Variants in ADCK1 observed in about 807,000 individuals in gnomAD.
ADCK1 encodes aarF domain containing kinase 1.
ADCK1 carries 41 observed loss-of-function variants against 52.3 expected under a neutral mutation model. The observed-to-expected ratio is 0.78, with a 90% CI of 0.61 to 1.02. ADCK1 has a LOEUF of 1.02. Among genes scored for constraint, ADCK1 ranks in the 50% least tolerant of loss-of-function variants. The pLI is 0.00. For missense variants in ADCK1, 658 were observed against 679.5 expected, an observed-to-expected ratio of 0.97 and a Z score of 0.35; for synonymous variants, 250 against 274.6, an observed-to-expected ratio of 0.91 and a Z score of 0.89.
rs1229332642 is a variant in ADCK1 at position 77,813,282 on chromosome 14, G to A, written c.-11-5686G>A. 5.9e-5 allele frequency among the ~76,000 whole-genome samples: 9 copies of A among 151,884 alleles called. No homozygotes were observed. The South Asian group carries it at 1.0e-3, about 18-fold the overall frequency. On this transcript the variant is annotated intron_variant, in intron 1 of 10. Transcript: ENST00000238561. ...CTCCCAAAGTACTGGGATTATAGGC[G>A]TGAGCCACTGTGCTGGCCTTTTATT...
At position 77,923,310 on chromosome 14, in the gene ADCK1, C is replaced by A. The variant is rs1459992597; in HGVS notation, c.859-1147C>A. 1.3e-5 allele frequency: 2 copies of A among 152,330 alleles called. No individual in the cohort carries two copies. The highest frequency in any genetic ancestry group is 2.9e-5 in the Non-Finnish European group (2 of 68,104). The allele number at this position is 152,330 out of a possible 1,614,324, so 9.4% of individuals were successfully genotyped here. A position where few individuals can be genotyped will look rare whatever the true frequency, so the allele number is the denominator to read the frequency against. Reference sequence around the variant, plus strand: ...AGGTGAAGGGGAGATGGCAAGAATGCTCCTGGCAGCAGGAATAGCATGTGC... The same window carrying A: ...AGGTGAAGGGGAGATGGCAAGAATGATCCTGGCAGCAGGAATAGCATGTGC... On this transcript the variant is annotated intron_variant, in intron 7 of 10. Transcript: ENST00000238561. This position sits in a 1 kb window ranked among gnomAD's most constrained non-coding sequence, Gnocchi z 4.3.
At chr14:77,868,978 C>T (rs1412162758) in intron 4 of ADCK1, among the ~76,000 whole-genome samples, 2 of 152,012 alleles carry the variant, frequency 1.3e-5, no homozygotes, top group South Asian at 2.1e-4. Context: ...AGTTCAGAGG[C>T]GGGTTCCTGG....
chr14:77,896,810 A>G (rs1007662236), intron 5 of ADCK1, among the ~76,000 whole-genome samples: 5 of 152,258 alleles, frequency 3.3e-5, no homozygotes, highest in African/African-American at 1.2e-4. Flanking sequence ...ATGAAAGACC[A>G]GACAAAACTC....
chr14:77,822,701 A>G (rs535814702), intron 3 of ADCK1, among the ~76,000 whole-genome samples, 183 bp downstream of exon 3: 2 of 152,200 alleles, frequency 1.3e-5, no homozygotes, highest in South Asian at 2.1e-4. Context: ...CTTCCTGTGT[A>G]CAGCTGGAAT....
chr14:77,915,343 C>T (rs978626104), intron 7 of ADCK1, among the ~76,000 whole-genome samples: 1 of 136,082 alleles, frequency 7.3e-6, no homozygotes, highest in African/African-American at 2.8e-5. Context: ...CTCCCCCCTA[C>T]CCCCAGCCTA....
At chr14:77,810,295 T>G (rs2081313415) in intron 1 of ADCK1, among the ~76,000 whole-genome samples, 1 of 151,670 alleles carries the variant, frequency 6.6e-6, no homozygotes, top group Admixed American at 6.6e-5. Context: ...TTTTATTGTT[T>G]GTAGAGATGA....
Position 77,899,150 on chromosome 14 carries a change from G to GAGTTCTT in ADCK1, c.633_634insAGTTCTT (p.Leu212SerfsTer6). 6.2e-7 allele frequency: 1 copy of GAGTTCTT among 1,614,166 alleles called. No homozygotes were observed. The highest frequency in any genetic ancestry group is 1.7e-4 in the Middle Eastern group (1 of 6,046). ...TGTTCCCAGAGTTTGAGTTTATGTG[G>GAGTTCTT]CTTGTGGATGAAGCCAAGAAGAACC... On this transcript the variant is annotated frameshift_variant, in exon 6 of 11. Coordinates refer to ENST00000238561, the MANE Select transcript of ADCK1 (RefSeq NM_020421.4). LOFTEE classifies it high-confidence loss of function.
intron 1 of ADCK1, among the ~76,000 whole-genome samples, chr14:77,804,494 T>C (rs2081176783): frequency 6.6e-6 from 1 of 152,276 alleles, no homozygotes; most frequent in East Asian, 1.9e-4. Context: ...TGCTTCGCTG[T>C]TACTTCCCAC....
chr14:77,886,432 A>G (rs1030679764), intron 4 of ADCK1, among the ~76,000 whole-genome samples: 3 of 152,252 alleles, frequency 2.0e-5, no homozygotes, highest in Admixed American at 2.0e-4. Flanking sequence ...AGTGGTGGAC[A>G]GTTCAATGGG....
intron 9 of ADCK1, among the ~76,000 whole-genome samples, chr14:77,927,093 T>G: frequency 6.6e-6 from 1 of 152,096 alleles, no homozygotes; most frequent in Admixed American, 6.5e-5. Context: ...CCTTGGGTGG[T>G]CCTCATCACC....
chr14:77,811,621 A>C (rs1185978656), intron 1 of ADCK1, among the ~76,000 whole-genome samples: 1 of 152,188 alleles, frequency 6.6e-6, no homozygotes, highest in Non-Finnish European at 1.5e-5. Context: ...TGAGCAACAT[A>C]GAGAGACCCT....
intron 5 of ADCK1, among the ~76,000 whole-genome samples, chr14:77,889,188 T>TTATAAATTGTCCAGTCTC (rs1285461341): frequency 6.6e-6 from 1 of 152,222 alleles, no homozygotes. Flanking sequence ...CCTCTTTCTT[T>TTATAAATTGTCCAGTCTC]TATAAATTGT....
rs529235918 is a variant in ADCK1 at position 77,883,374 on chromosome 14, G to A, written c.424-3717G>A. Among the ~76,000 whole-genome samples the A allele has an allele frequency of 2.7e-5, 4 of 147,116 alleles. No individual in the cohort carries two copies. In the East Asian group the frequency reaches 8.5e-4, roughly 31 times the overall value. On this transcript the variant is annotated intron_variant, in intron 4 of 10. Coordinates refer to ENST00000238561, the MANE Select transcript of ADCK1 (RefSeq NM_020421.4). The stretch of plus-strand genomic sequence containing the variant: ...AAGGGCTGGGGGACGAGGCCTGATT[G>A]GAGGGGGGTGGTGTTTGTTTCAGCT...
At chr14:77,926,480 G>T (rs3825688) in intron 9 of ADCK1, among the ~76,000 whole-genome samples, 63,164 of 151,760 alleles carry the variant, frequency 0.42, 13,669 homozygotes, top group African/African-American at 0.52. Flanking sequence ...AGACTTTTTT[G>T]TTTGTTTGTT....
intron 4 of ADCK1, among the ~76,000 whole-genome samples, chr14:77,862,139 T>C (rs970810552): frequency 6.6e-6 from 1 of 152,244 alleles, no homozygotes. Flanking sequence ...GTGTGTATCT[T>C]GGAAGTTTCT....
In ADCK1 at chr14:77,924,571, G is replaced by A; in HGVS notation, c.973G>A (p.Ala325Thr). Residue 325 changes from alanine to threonine, a missense_variant, in exon 8 of 11, where the codon GCG becomes ACG. Ala to Thr is a moderately conservative substitution (Grantham distance 58). Coordinates refer to ENST00000238561, the MANE Select transcript of ADCK1 (RefSeq NM_020421.4). ...LVRKHPGTGKAEIVLLDHGLY... is the reference protein window; with the variant it reads ...LVRKHPGTGKTEIVLLDHGLY... Reference sequence around the variant, plus strand: ...GCGGAAGCACCCCGGCACGGGAAAGGCGGAGATTGTCCTGTTGGACCATGG... The same window carrying A: ...GCGGAAGCACCCCGGCACGGGAAAGACGGAGATTGTCCTGTTGGACCATGG... 1 of 1,613,834 alleles carries A rather than the reference G, an allele frequency of 6.2e-7. No individual in the cohort carries two copies. Among genetic ancestry groups the A allele is most frequent in the Non-Finnish European group, 8.5e-7 (1 of 1,180,028 alleles).
At chr14:77,872,677 C>CTT (rs35569874) in intron 4 of ADCK1, among the ~76,000 whole-genome samples, 69 of 140,890 alleles carry the variant, frequency 4.9e-4, no homozygotes, top group Middle Eastern at 3.7e-3. Context: ...TTCCCCACTC[C>CTT]TTTTTTTTTT....
At chr14:77,811,368 TG>T (rs1222247573) in intron 1 of ADCK1, among the ~76,000 whole-genome samples, 1 of 152,138 alleles carries the variant, frequency 6.6e-6, no homozygotes, top group Non-Finnish European at 1.5e-5. Flanking sequence ...TTATCCCCTT[TG>T]TGTATGGACG....
At chr14:77,886,504 G>A (rs989246181) in intron 4 of ADCK1, among the ~76,000 whole-genome samples, 132 of 152,324 alleles carry the variant, frequency 8.7e-4, no homozygotes, top group African/African-American at 3.2e-3. Context: ...TTAGGGGCCC[G>A]TGCACAGGTA....
Sources: gnomAD v4.1 joint callset for allele counts (sites outside exome capture counted in the v4.1 genomes callset) on GRCh38, gnomAD v4.1.1 for gene constraint, Gnocchi (gnomAD v3.1) non-coding constraint, MANE v1.5 for transcripts, NCBI Gene and HGNC (gene_info 2026-07-23, HGNC 2026-07-21) for gene names.